Variants in F5 observed in about 807,000 individuals in gnomAD.
F5 encodes activated protein c cofactor.
Under a neutral mutation model 216.4 loss-of-function variants are expected in F5, and 138 were observed. The observed-to-expected ratio is 0.64, with a 90% CI of 0.56 to 0.73. The LOEUF is 0.73. F5 is among the 30% of genes least tolerant of loss of function. F5 has a pLI of 0.00. For synonymous variants in F5, 916 were observed against 930.7 expected, an observed-to-expected ratio of 0.98 and a Z score of 0.29; for missense variants, 2,403 against 2,674.0, an observed-to-expected ratio of 0.90 and a Z score of 2.24.
intron 17 of F5, among the ~76,000 whole-genome samples, chr1:169,527,548 G>C (rs143054270): frequency 4.6e-5 from 7 of 152,260 alleles, no homozygotes; most frequent in African/African-American, 1.7e-4. Context: ...GAGCAGAACT[G>C]AAGAATCTGG....
intron 2 of F5, among the ~76,000 whole-genome samples, chr1:169,580,391 T>TTGTTGTTG (rs1557934906): frequency 6.7e-6 from 1 of 148,600 alleles, no homozygotes; most frequent in Non-Finnish European, 1.5e-5. Context: ...TGTTGTTGTT[T>TTGTTGTTG]TTTTTTTTTT....
intron 17 of F5, among the ~76,000 whole-genome samples, chr1:169,526,917 C>A (rs1659466819): frequency 6.6e-6 from 1 of 151,504 alleles, no homozygotes. Flanking sequence ...AATTAATACT[C>A]TCTAGATGTA....
chr1:169,520,632 T>C lies in F5; in HGVS notation c.6081A>G (p.Ile2027Met), dbSNP rs763607573. The C allele has an allele frequency of 1.5e-5, 25 of 1,613,846 alleles. No homozygotes were observed. The highest frequency in any genetic ancestry group is 8.5e-7 in the Non-Finnish European group (1 of 1,179,900). Reference protein sequence around the residue: ...YFNGNSDASTIKENQFDPPIV... With the variant: ...YFNGNSDASTMKENQFDPPIV... ...TAGGTGGGTCAAACTGATTCTCTTT[T>C]ATTGTAGAGGCATCTGAATTGCCAT... Residue 2027 changes from isoleucine (I) to methionine (M), a missense_variant, in exon 22 of 25, where the codon ATA (isoleucine) becomes ATG (methionine). By Grantham distance (10) the Ile-to-Met change is conservative. Around this residue, in one of 4 missense-constraint regions of F5, gnomAD observed 659 missense variants for 787.9 expected, o/e 0.84. Coordinates refer to ENST00000367797, the MANE Select transcript of F5 (RefSeq NM_000130.5).
At chr1:169,514,512 T>C in intron 24 of F5, 53 bp from the exon 25 acceptor site, 2 of 1,534,866 alleles carry the variant, frequency 1.3e-6, no homozygotes, top group Non-Finnish European at 1.8e-6. Context: ...GGCTAAGGTT[T>C]TTTGTTTTTG....
chr1:169,559,733 C>G (rs1660419007), intron 4 of F5, among the ~76,000 whole-genome samples: 1 of 152,154 alleles, frequency 6.6e-6, no homozygotes, highest in South Asian at 2.1e-4. Flanking sequence ...AATCCATTCT[C>G]ACTATGAGAA....
intron 3 of F5, among the ~76,000 whole-genome samples, chr1:169,568,286 T>C (rs1038697991): frequency 2.0e-5 from 3 of 152,120 alleles, no homozygotes; most frequent in African/African-American, 4.8e-5. Context: ...GTGAATGATA[T>C]AGACTTGTAC....
chr1:169,522,052 C>T (rs921206384), intron 21 of F5, among the ~76,000 whole-genome samples: 1 of 152,064 alleles, frequency 6.6e-6, no homozygotes, highest in African/African-American at 2.4e-5. Context: ...AATATACAAA[C>T]AACTCTACAC....
At chr1:169,571,353 C>G (rs1660718316) in intron 3 of F5, among the ~76,000 whole-genome samples, 1 of 152,074 alleles carries the variant, frequency 6.6e-6, no homozygotes, top group South Asian at 2.1e-4. Context: ...ACCTAAGTGA[C>G]TTCATTTAAA....
At chr1:169,523,981 T>C in intron 19 of F5, 77 bp from the exon 20 acceptor site, 1 of 1,257,676 alleles carries the variant, frequency 8.0e-7, no homozygotes, top group Non-Finnish European at 1.2e-6. Context: ...TTTAATCCAG[T>C]GGAAAACCAG....
At chr1:169,552,180 G>C (rs1273031573) in intron 8 of F5, among the ~76,000 whole-genome samples, 10 of 152,084 alleles carry the variant, frequency 6.6e-5, no homozygotes, top group Admixed American at 6.5e-4. Context: ...CTTTCTTTTT[G>C]TAGATGATGT....
chr1:169,542,283 T>C lies in F5; in HGVS notation c.2807A>G (p.Gln936Arg). Residue 936 changes from glutamine (Q) to arginine (R), a missense_variant, in exon 13 of 25, where the codon CAA becomes CGA. Physicochemically the swap from Gln to Arg is conservative, Grantham distance 43. Transcript: ENST00000367797. ...DPPSDLLLLK[Q>R]SNSSKILVGR... Reference sequence around the variant, plus strand: ...AACCAAAATCTTAGATGAGTTACTTTGTTTTAAGAGTAACAGATCACTAGG... The same window carrying C: ...AACCAAAATCTTAGATGAGTTACTTCGTTTTAAGAGTAACAGATCACTAGG... 1 of 1,614,130 alleles carries C rather than the reference T, an allele frequency of 6.2e-7. No homozygotes were observed. The highest frequency in any genetic ancestry group is 8.5e-7 in the Non-Finnish European group (1 of 1,179,984).
At chr1:169,552,948 A>G (rs1248623084) in intron 7 of F5, among the ~76,000 whole-genome samples, 1 of 152,318 alleles carries the variant, frequency 6.6e-6, no homozygotes, top group East Asian at 1.9e-4. Context: ...GATAAAAGTC[A>G]TAGGTAACTG....
intron 14 of F5, among the ~76,000 whole-genome samples, chr1:169,534,791 C>T (rs1659668606): frequency 1.3e-5 from 2 of 152,176 alleles, no homozygotes; most frequent in South Asian, 2.1e-4. Flanking sequence ...AGGTGCCCAT[C>T]AGTGGTGGAC....
At chr1:169,529,321 T>C (rs893026682) in intron 16 of F5, among the ~76,000 whole-genome samples, 1 of 152,206 alleles carries the variant, frequency 6.6e-6, no homozygotes, top group African/African-American at 2.4e-5. Flanking sequence ...CTTTTCAATG[T>C]ATGTTACCAG....
rs1463276499 is a variant in F5 at position 169,582,438 on chromosome 1, G to T, written c.243C>A (p.Thr81=). 5.3e-6 allele frequency: 8 copies of T among 1,512,248 alleles called. No homozygotes were observed. Among genetic ancestry groups the T allele is most frequent in the Non-Finnish European group, 7.3e-6 (8 of 1,093,846 alleles). The allele number at this position is 1,512,248 out of a possible 1,614,324, so 93.7% of individuals were successfully genotyped here. Residue 81 remains threonine (T), a synonymous_variant, in exon 2 of 25, where the codon ACC becomes ACA. Transcript: ENST00000367797. ...AGTATATTTCAGGCTTACCTGAAATGGTAGATTGTGGTTTTTCTTTCTTAA... is the reference window on the plus strand; with the variant it reads ...AGTATATTTCAGGCTTACCTGAAATTGTAGATTGTGGTTTTTCTTTCTTAA... The part of the protein sequence containing the change: ...PYFKKEKPQS[T]ISGLLGPTLY...
At chr1:169,573,511 A>G (rs1311552242) in intron 2 of F5, among the ~76,000 whole-genome samples, 1 of 152,196 alleles carries the variant, frequency 6.6e-6, no homozygotes, top group Admixed American at 6.5e-5. Flanking sequence ...GGCAAACAAG[A>G]CTTGCTGATG....
intron 19 of F5, 136 bp downstream of exon 19, chr1:169,524,701 C>CT (rs1659394302): frequency 2.6e-6 from 2 of 779,166 alleles, no homozygotes; most frequent in Non-Finnish European, 4.5e-6. Context: ...AATGGAGCTG[C>CT]TTCACTACAT....
chr1:169,559,655 G>C (rs1475220737), intron 4 of F5, among the ~76,000 whole-genome samples: 1 of 152,092 alleles, frequency 6.6e-6, no homozygotes, highest in Non-Finnish European at 1.5e-5. Context: ...CATGCCCCAA[G>C]TTTAATGCTG....
intron 8 of F5, among the ~76,000 whole-genome samples, chr1:169,551,928 C>G (rs895629714): frequency 2.0e-5 from 3 of 152,144 alleles, no homozygotes; most frequent in Non-Finnish European, 4.4e-5. Flanking sequence ...AGCTGCATAC[C>G]TAGACTACAT....
Sources: gnomAD v4.1 joint callset for allele counts (sites outside exome capture counted in the v4.1 genomes callset) on GRCh38, gnomAD v4.1.1 for gene constraint, gnomAD v4.1.1 regional missense constraint, MANE v1.5 for transcripts, NCBI Gene and HGNC (gene_info 2026-07-23, HGNC 2026-07-21) for gene names.